The following ANKRD22 variants were observed in gnomAD, a reference collection of about 807,000 sequenced individuals.
ANKRD22 encodes ankyrin repeat domain-containing protein 22.
Under a neutral mutation model 25.7 loss-of-function variants are expected in ANKRD22, and 24 were observed. The observed-to-expected ratio is 0.93, with a 90% confidence interval of 0.68 to 1.31. The LOEUF (loss-of-function observed/expected upper bound fraction) is 1.31, where lower values mean the gene tolerates loss of function less well. Among genes scored for constraint, ANKRD22 ranks in the 50% most tolerant of loss-of-function variants. The pLI is 0.00. For missense variants in ANKRD22, 214 were observed against 227.1 expected (o/e 0.94, Z 0.37); for synonymous variants, 84 against 84.3 (o/e 1.00, Z 0.02).
intron 3 of ANKRD22, 76 bp downstream of exon 3, chr10:88,828,483 A>T: frequency 9.0e-7 from 1 of 1,105,708 alleles, no homozygotes; most frequent in Non-Finnish European, 1.3e-6. Flanking sequence ...TCAACATCTC[A>T]CTGGCCTGGC....
intron 1 of ANKRD22, among the ~76,000 whole-genome samples, chr10:88,848,103 C>T (rs1045634910): frequency 6.0e-5 from 9 of 150,662 alleles, no homozygotes; most frequent in African/African-American, 2.2e-4. Context: ...AGTTTTGGAG[C>T]ACTTCCACTC....
intron 1 of ANKRD22, among the ~76,000 whole-genome samples, chr10:88,839,973 G>A (rs747530782): frequency 1.3e-5 from 2 of 152,148 alleles, no homozygotes; most frequent in African/African-American, 2.4e-5. Context: ...TGATTCTGAT[G>A]CACAGTGAGG....
chr10:88,835,472 A>T (rs1030535836), intron 1 of ANKRD22, among the ~76,000 whole-genome samples: 1 of 152,226 alleles, frequency 6.6e-6, no homozygotes, highest in African/African-American at 2.4e-5. Context: ...TAGATGGTAG[A>T]GCCTATTACT....
At chr10:88,824,199 G>A (rs1455306124) in intron 4 of ANKRD22, among the ~76,000 whole-genome samples, 1 of 152,102 alleles carries the variant, frequency 6.6e-6, no homozygotes. Context: ...TATATTATGT[G>A]TTATAAGCTA....
intron 1 of ANKRD22, among the ~76,000 whole-genome samples, chr10:88,837,980 C>A (rs180693432): frequency 1.3e-5 from 2 of 152,264 alleles, no homozygotes; most frequent in Admixed American, 1.3e-4. Context: ...TTGGGTATAT[C>A]TTTATTAGCA....
At chr10:88,850,121 C>G (rs1199184235) in intron 1 of ANKRD22, among the ~76,000 whole-genome samples, 2 of 151,098 alleles carry the variant, frequency 1.3e-5, no homozygotes, top group African/African-American at 4.9e-5. Flanking sequence ...AAACACAGAG[C>G]AAATGATATA....
chr10:88,828,541 T>TA lies in ANKRD22; in HGVS notation c.321+17dup. 1 of 1,550,034 alleles carries TA rather than the reference T, an allele frequency of 6.5e-7. No individual in the cohort carries two copies. Among genetic ancestry groups the TA allele is most frequent in the Non-Finnish European group, 8.9e-7 (1 of 1,125,040 alleles). ...CGATCTCCACATTTGCCCTTTGCTC[T>TA]ACAAGTGTTGTACTCACCATGAGGA... On this transcript the variant is annotated intron_variant, in intron 3 of 5. Transcript: ENST00000371930.
At chr10:88,834,050 T>G (rs1728331978) in intron 1 of ANKRD22, among the ~76,000 whole-genome samples, 1 of 152,216 alleles carries the variant, frequency 6.6e-6, no homozygotes, top group Non-Finnish European at 1.5e-5. Context: ...TTTCTGGGAC[T>G]CTAGTCTCAA....
In ANKRD22 at chr10:88,822,925, G is replaced by A. The variant is rs780587465; in HGVS notation, c.*16C>T. On this transcript the variant is annotated 3_prime_UTR_variant, in exon 6 of 6. Transcript: ENST00000371930. The stretch of plus-strand genomic sequence containing the variant: ...CGTTAACTTTTTCTGTATCTCCATC[G>A]GTGTGGTCACAAGGATTACAATGCT... 2.5e-6 allele frequency: 4 copies of A among 1,594,084 alleles called. No individual in the cohort carries two copies. Among genetic ancestry groups the A allele is most frequent in the South Asian group, 1.1e-5 (1 of 90,426 alleles).
rs553991408 is a variant in ANKRD22, at chr10:88,831,548, G to C, written c.213+287C>G. Among the ~76,000 whole-genome samples the C allele has an allele frequency of 4.6e-5, 7 of 152,304 alleles. No homozygotes were observed. The East Asian group carries it at 1.3e-3, about 29-fold the overall frequency. On this transcript the variant is annotated intron_variant, in intron 2 of 5. Transcript: ENST00000371930. The stretch of plus-strand genomic sequence containing the variant: ...AGAGGAAGAAAGAGGAGGATGAAGA[G>C]AGGAAGAAGGAAAAGAAAGAAGCTC...
rs1220070153 is a variant in ANKRD22, at chr10:88,849,514, A to G, written c.21+2073T>C. Among the ~76,000 whole-genome samples the G allele has an allele frequency of 2.0e-5, 3 of 152,252 alleles. No homozygotes were observed. In the East Asian group the frequency reaches 5.8e-4, roughly 29 times the overall value. The stretch of plus-strand genomic sequence containing the variant: ...AGTAAACACAGGACTCATCCTAGCC[A>G]CCAATCTCCAGCCAATAAGCACTTT... On this transcript the variant is annotated intron_variant, in intron 1 of 5. Transcript: ENST00000371930.
chr10:88,842,334 T>C (rs997683211), intron 1 of ANKRD22, among the ~76,000 whole-genome samples: 1 of 152,106 alleles, frequency 6.6e-6, no homozygotes, highest in African/African-American at 2.4e-5. Context: ...GAGCTCTTTA[T>C]AGCTAGTGAG....
At chr10:88,848,960 A>T (rs1420046608) in intron 1 of ANKRD22, among the ~76,000 whole-genome samples, 1 of 152,064 alleles carries the variant, frequency 6.6e-6, no homozygotes, top group Non-Finnish European at 1.5e-5. Flanking sequence ...TGAAAAACAT[A>T]TCCATTGCCA....
At chr10:88,830,454 G>A (rs183399063) in intron 2 of ANKRD22, among the ~76,000 whole-genome samples, 2 of 152,048 alleles carry the variant, frequency 1.3e-5, no homozygotes, top group African/African-American at 4.8e-5. Flanking sequence ...TGTTTGTTTA[G>A]TGTTTCTGGA....
rs769184636 is a variant in ANKRD22 at position 88,820,479 on chromosome 10, G to A, written c.*2462C>T. On this transcript the variant is annotated 3_prime_UTR_variant, in exon 6 of 6. Transcript: ENST00000371930. ...CAGGAGGAGACCAACCTTTCCCAGG[G>A]ACGGTGTGAGGCCGTATTGTGAAGC... is the stretch of plus-strand genomic sequence containing the variant. 13 of 1,551,228 alleles carry A rather than the reference G, an allele frequency of 8.4e-6. No individual in the cohort carries two copies. The East Asian group carries it at 2.4e-4, about 29-fold the overall frequency.
rs149922838 is a variant in ANKRD22, at chr10:88,832,257, T to C, written c.22-231A>G. 1.8e-3 allele frequency among the ~76,000 whole-genome samples: 269 copies of C among 152,270 alleles called. 2 individuals carry two copies. Among genetic ancestry groups the C allele is most frequent in the East Asian group, 1.2e-3 (6 of 5,176 alleles). ...CCTAAGTTTTCTTGGCACACACTTA[T>C]GTCCATCAAATGGATGAATAAATAA... On this transcript the variant is annotated intron_variant, in intron 1 of 5. Transcript: ENST00000371930.
At chr10:88,823,602 C>A (rs1843822971) in intron 4 of ANKRD22, 3 of 419,108 alleles carry the variant, frequency 7.2e-6, no homozygotes, top group South Asian at 6.8e-5. Context: ...CCGAGGCGGG[C>A]GGATCACGAG....
rs1269912044 is a variant in ANKRD22, at chr10:88,821,731, A to G, written c.*1210T>C. Among the ~76,000 whole-genome samples the G allele has an allele frequency of 6.6e-6, 1 of 152,220 alleles. No homozygotes were observed. The highest frequency in any genetic ancestry group is 1.5e-5 in the Non-Finnish European group (1 of 68,022). The stretch of plus-strand genomic sequence containing the variant: ...AGCTTTCAAGGATGGTAAATCTTTC[A>G]TTCTTATACTGTACTTGTTACCACA... On this transcript the variant is annotated 3_prime_UTR_variant, in exon 6 of 6. Transcript: ENST00000371930.
chr10:88,843,338 TACCTGCCA>T (rs1414576523), intron 1 of ANKRD22, among the ~76,000 whole-genome samples: 1 of 152,138 alleles, frequency 6.6e-6, no homozygotes, highest in Middle Eastern at 3.2e-3. Context: ...ATGATCTTGA[TACCTGCCA>T]AAGGTCAACT....
Sources: allele counts gnomAD v4.1 joint callset (sites outside exome capture counted in the v4.1 genomes callset), GRCh38; gene constraint gnomAD v4.1.1; transcripts MANE v1.5; gene names NCBI Gene and HGNC (gene_info 2026-07-23, HGNC 2026-07-21).